Variants in NPAS3 observed in about 807,000 individuals in gnomAD.
The protein encoded by NPAS3 is neuronal PAS domain-containing protein 3.
Under a neutral mutation model 73.1 loss-of-function variants are expected in NPAS3, and 14 were observed. That is an observed-to-expected ratio of 0.19 (90% confidence interval 0.13 to 0.30). NPAS3 has a LOEUF of 0.30. NPAS3 is among the 10% of genes least tolerant of loss of function. The pLI, the probability that NPAS3 is intolerant of heterozygous loss-of-function variation, is 1.00. For missense variants in NPAS3, 1,096 were observed against 1,250.0 expected (o/e 0.88, Z 1.86); for synonymous variants, 620 against 541.5 (o/e 1.14, Z -2.01).
intron 9 of NPAS3, among the ~76,000 whole-genome samples, chr14:33,782,049 T>A (rs1943142220): frequency 6.6e-6 from 1 of 152,234 alleles, no homozygotes. Context: ...GGTATGTTAG[T>A]GAAACTACAC....
intron 4 of NPAS3, among the ~76,000 whole-genome samples, chr14:33,410,804 C>G (rs957649310): frequency 3.3e-5 from 5 of 152,126 alleles, no homozygotes; most frequent in African/African-American, 1.2e-4. Flanking sequence ...CGCCACCACA[C>G]CCGGCTAATT....
chr14:33,619,114 G>T (rs986886287), intron 5 of NPAS3, among the ~76,000 whole-genome samples: 13 of 152,044 alleles, frequency 8.6e-5, no homozygotes, highest in African/African-American at 3.1e-4. Context: ...TTTGATTCAG[G>T]TTTCAGTCTT....
chr14:32,997,397 G>T (rs2152405), intron 1 of NPAS3, among the ~76,000 whole-genome samples: 4 of 152,062 alleles, frequency 2.6e-5, no homozygotes, highest in East Asian at 1.9e-4. Flanking sequence ...TGTGAAGATA[G>T]GAGATTTGGG....
intron 4 of NPAS3, among the ~76,000 whole-genome samples, chr14:33,397,917 C>G (rs1195045667): frequency 6.6e-6 from 1 of 152,128 alleles, no homozygotes. Flanking sequence ...CATAGGTCCT[C>G]TGGTTATTTA....
intron 3 of NPAS3, among the ~76,000 whole-genome samples, chr14:33,242,921 G>A (rs1050921929): frequency 6.6e-5 from 10 of 152,028 alleles, no homozygotes; most frequent in African/African-American, 1.4e-4. Context: ...TGTTAAAAAC[G>A]AGTGGCCCTT....
At chr14:33,408,818 A>G (rs2047784333) in intron 4 of NPAS3, among the ~76,000 whole-genome samples, 1 of 152,132 alleles carries the variant, frequency 6.6e-6, no homozygotes. Context: ...AGAGTTGCAT[A>G]TGGCCAAATA....
intron 4 of NPAS3, among the ~76,000 whole-genome samples, chr14:33,464,884 T>A (rs2050438949): frequency 6.6e-6 from 1 of 152,160 alleles, no homozygotes; most frequent in Non-Finnish European, 1.5e-5. Context: ...CCCCCACACC[T>A]GTGACCCAAG....
At chr14:33,747,867 C>T (rs972606419) in intron 7 of NPAS3, among the ~76,000 whole-genome samples, 8 of 152,162 alleles carry the variant, frequency 5.3e-5, no homozygotes, top group East Asian at 1.9e-4. Context: ...CATTTCACTT[C>T]GATTTCTGCT....
intron 3 of NPAS3, among the ~76,000 whole-genome samples, chr14:33,276,626 C>T (rs2041348294): frequency 6.6e-6 from 1 of 151,852 alleles, no homozygotes; most frequent in African/African-American, 2.4e-5. Flanking sequence ...CCCTGAGCTT[C>T]ATTTAGTTCC....
intron 3 of NPAS3, among the ~76,000 whole-genome samples, chr14:33,282,614 T>C (rs1005231657): frequency 6.6e-5 from 10 of 152,338 alleles, no homozygotes; most frequent in Non-Finnish European, 1.2e-4. Context: ...TCCAGTGAAC[T>C]TGGCATCCAT....
intron 2 of NPAS3, among the ~76,000 whole-genome samples, chr14:33,184,048 T>A (rs1229224426): frequency 6.6e-6 from 1 of 152,164 alleles, no homozygotes; most frequent in African/African-American, 2.4e-5. Flanking sequence ...TGTCCATAAT[T>A]TCTCCTTCGT....
intron 6 of NPAS3, among the ~76,000 whole-genome samples, chr14:33,705,152 T>G (rs1226753843): frequency 6.6e-6 from 1 of 152,198 alleles, no homozygotes. Context: ...TCACACCAGT[T>G]TTACTGAAAG....
intron 3 of NPAS3, among the ~76,000 whole-genome samples, chr14:33,223,000 G>A (rs1490511088): frequency 6.6e-6 from 1 of 152,090 alleles, no homozygotes; most frequent in South Asian, 2.1e-4. Context: ...CATCAACGTG[G>A]TTCTCCGTGT....
intron 10 of NPAS3, among the ~76,000 whole-genome samples, chr14:33,794,595 TA>T (rs35594663): frequency 0.49 from 73,215 of 149,172 alleles, 18,406 homozygotes; most frequent in East Asian, 0.56. Context: ...AATAGCGGTG[TA>T]AAAAATGAAG....
intron 3 of NPAS3, among the ~76,000 whole-genome samples, chr14:33,300,150 A>G (rs1250110603): frequency 1.3e-5 from 2 of 152,236 alleles, no homozygotes; most frequent in Non-Finnish European, 2.9e-5. Context: ...CTTCTTTAAA[A>G]ATATCTAGGA....
In NPAS3 at chr14:33,288,350, C is replaced by T. The variant is rs1477955418; in HGVS notation, c.385+72924C>T. Among the ~76,000 whole-genome samples the T allele has an allele frequency of 5.9e-5, 9 of 152,100 alleles. No individual in the cohort carries two copies. The South Asian group carries it at 1.7e-3, about 28-fold the overall frequency. On this transcript the variant is annotated intron_variant, in intron 3 of 11. Transcript: ENST00000356141. ...CTTTGAGCATCTGTCTTTTCCAAGACTTTCATATTTCATAGTCTCACAAAG... is the reference window on the plus strand; with the variant it reads ...CTTTGAGCATCTGTCTTTTCCAAGATTTTCATATTTCATAGTCTCACAAAG...
At chr14:33,637,919 G>A (rs1163211330) in intron 5 of NPAS3, among the ~76,000 whole-genome samples, 2 of 152,124 alleles carry the variant, frequency 1.3e-5, no homozygotes, top group Non-Finnish European at 2.9e-5. Context: ...AAAGGAGCTG[G>A]GCTTTACCCC....
intron 1 of NPAS3, among the ~76,000 whole-genome samples, chr14:32,959,290 C>G (rs954967637): frequency 7.9e-5 from 12 of 152,144 alleles, no homozygotes; most frequent in Non-Finnish European, 1.3e-4. Context: ...CCTTTAATGC[C>G]ACACTTGGCC....
At chr14:33,449,932 G>C (rs2049712340) in intron 4 of NPAS3, among the ~76,000 whole-genome samples, 1 of 152,170 alleles carries the variant, frequency 6.6e-6, no homozygotes. Context: ...TATGATTGGA[G>C]CAATAGCATT....
Sources: allele counts gnomAD v4.1 joint callset (sites outside exome capture counted in the v4.1 genomes callset), GRCh38; gene constraint gnomAD v4.1.1; transcripts MANE v1.5; gene names NCBI Gene and HGNC (gene_info 2026-07-23, HGNC 2026-07-21).